KDM4C: variants seen among roughly 807,000 people sequenced by gnomAD.
KDM4C encodes the protein lysine demethylase 4C, also known as lysine-specific demethylase 4C.
KDM4C carries 81 observed loss-of-function variants against 129.3 expected under a neutral mutation model. The observed-to-expected ratio is 0.63, with a 90% CI of 0.52 to 0.75. The LOEUF (loss-of-function observed/expected upper bound fraction) is 0.75. Among genes scored for constraint, KDM4C ranks in the 30% least tolerant of loss-of-function variants. The probability of loss-of-function intolerance (pLI) is 0.00; values close to 1 mark genes in which losing one functional copy is unlikely to be tolerated. For synonymous variants in KDM4C, 573 were observed against 456.1 expected (o/e 1.26, Z -3.26); for missense variants, 1,457 against 1,304.0 (o/e 1.12, Z -1.81).
At chr9:7,109,003 A>C (rs1225709740) in intron 18 of KDM4C, among the ~76,000 whole-genome samples, 2 of 152,250 alleles carry the variant, frequency 1.3e-5, no homozygotes, top group East Asian at 1.9e-4. Flanking sequence ...GAGACTCCAA[A>C]ACATTCACTC....
intron 8 of KDM4C, among the ~76,000 whole-genome samples, chr9:6,940,052 TCCC>T (rs1196660080): frequency 5.9e-5 from 8 of 136,264 alleles, no homozygotes; most frequent in South Asian, 2.7e-4. Context: ...CTTCCCTCCT[TCCC>T]TCCTTCCCTC....
At chr9:7,148,184 G>T (rs543274297) in intron 19 of KDM4C, among the ~76,000 whole-genome samples, 2 of 152,236 alleles carry the variant, frequency 1.3e-5, no homozygotes, top group Admixed American at 1.3e-4. Context: ...ACATGGTGGC[G>T]CCCAAAAGCT....
At chr9:7,008,266 G>A (rs1311556382) in intron 12 of KDM4C, among the ~76,000 whole-genome samples, 1 of 152,088 alleles carries the variant, frequency 6.6e-6, no homozygotes, top group African/African-American at 2.4e-5. Context: ...TTCCTGGCTG[G>A]TACCTGCAGA....
intron 1 of KDM4C, among the ~76,000 whole-genome samples, chr9:6,747,539 CAAA>C (rs35996555): frequency 5.1e-5 from 5 of 98,030 alleles, no homozygotes; most frequent in Non-Finnish European, 4.3e-5. Flanking sequence ...CAGGGCGATT[CAAA>C]AAAAAAAAAA....
chr9:7,076,464 T>TAACAAC (rs763735119), intron 17 of KDM4C: 3 of 1,542,232 alleles, frequency 1.9e-6, no homozygotes, highest in African/African-American at 2.7e-5. Flanking sequence ...ACAGCAACAG[T>TAACAAC]AACAACAACA....
At chr9:7,105,592 G>C (rs1312075732) in intron 18 of KDM4C, 1 of 395,072 alleles carries the variant, frequency 2.5e-6, no homozygotes, top group African/African-American at 2.1e-5. Context: ...ATGAGTGGCA[G>C]GTGCTGGAAT....
intron 1 of KDM4C, among the ~76,000 whole-genome samples, chr9:6,783,081 C>G (rs540777800): frequency 1.3e-5 from 2 of 152,118 alleles, no homozygotes; most frequent in Non-Finnish European, 2.9e-5. Context: ...GTAGGAGATG[C>G]TTTCACTTTT....
At chr9:6,990,331 A>G in intron 11 of KDM4C, 85 bp from the exon 12 acceptor site, 1 of 877,674 alleles carries the variant, frequency 1.1e-6, no homozygotes. Flanking sequence ...ATTAAGTGAT[A>G]AATAATTGTG....
intron 19 of KDM4C, among the ~76,000 whole-genome samples, chr9:7,160,896 A>G (rs921128281): frequency 1.3e-5 from 2 of 152,174 alleles, no homozygotes; most frequent in African/African-American, 4.8e-5. Flanking sequence ...AGTCTGCAGA[A>G]GTTGTCTGCT....
At chr9:6,790,654 C>CAA (rs1186296239) in intron 1 of KDM4C, among the ~76,000 whole-genome samples, 138 of 65,198 alleles carry the variant, frequency 2.1e-3, no homozygotes, top group Middle Eastern at 0.015. Flanking sequence ...TTAAATTCAG[C>CAA]AAAAAAAAAA....
At chr9:7,007,572 A>C (rs539534512) in intron 12 of KDM4C, among the ~76,000 whole-genome samples, 2 of 152,216 alleles carry the variant, frequency 1.3e-5, no homozygotes, top group Non-Finnish European at 2.9e-5. Context: ...TGAAGCCTAC[A>C]TCAGGTGTTT....
At chr9:7,039,000 A>G (rs566254170) in intron 15 of KDM4C, among the ~76,000 whole-genome samples, 11 of 151,820 alleles carry the variant, frequency 7.2e-5, no homozygotes, top group Non-Finnish European at 1.0e-4. Flanking sequence ...GTGTTATTTT[A>G]TGTTAATTAT....
intron 8 of KDM4C, among the ~76,000 whole-genome samples, chr9:6,966,623 G>A (rs1405379352): frequency 6.6e-6 from 1 of 152,152 alleles, no homozygotes; most frequent in East Asian, 1.9e-4. Flanking sequence ...CTAGTTCTTG[G>A]TTTACGTCTA....
rs181051787 is a variant in KDM4C, at chr9:7,054,759, A to G, written c.2424+5559A>G. Among the ~76,000 whole-genome samples the G allele has an allele frequency of 3.3e-3, 504 of 152,356 alleles. 9 individuals carry two copies. Among genetic ancestry groups the G allele is most frequent in the East Asian group, 0.025 (132 of 5,190 alleles). On this transcript the variant is annotated intron_variant, in intron 17 of 21. Transcript: ENST00000381309. ...CTTAAATTAATTAAAGATCTGTGGTATTTTTGTAAATAAGCCAGCAGAGCA... is the reference window on the plus strand; with the variant it reads ...CTTAAATTAATTAAAGATCTGTGGTGTTTTTGTAAATAAGCCAGCAGAGCA...
intron 1 of KDM4C, among the ~76,000 whole-genome samples, chr9:6,760,445 G>GTATATATATATA (rs60954996): frequency 0.014 from 2,057 of 142,446 alleles, 30 homozygotes; most frequent in East Asian, 0.028. Flanking sequence ...CTACTCTTGG[G>GTATATATATATA]TATATATATA....
chr9:6,899,923 T>G (rs1209403011), intron 8 of KDM4C, among the ~76,000 whole-genome samples: 1 of 152,222 alleles, frequency 6.6e-6, no homozygotes. Flanking sequence ...TGCTTTTGAG[T>G]CTATAGTTTG....
intron 15 of KDM4C, 141 bp downstream of exon 15, chr9:7,016,070 C>A (rs1213036589): frequency 4.0e-6 from 2 of 505,486 alleles, no homozygotes; most frequent in Non-Finnish European, 7.2e-6. Flanking sequence ...AGTCTTCCCT[C>A]TCAAAAGCAT....
chr9:6,981,644 T>C (rs887530950), intron 9 of KDM4C, among the ~76,000 whole-genome samples: 1 of 152,218 alleles, frequency 6.6e-6, no homozygotes, highest in African/African-American at 2.4e-5. Context: ...TTGTGAACTT[T>C]ATTCTCCATT....
At chr9:6,801,395 G>C (rs534087881) in intron 2 of KDM4C, among the ~76,000 whole-genome samples, 28 of 151,422 alleles carry the variant, frequency 1.8e-4, no homozygotes, top group African/African-American at 6.5e-4. Flanking sequence ...CACCATGCCC[G>C]GCTAATTTTC....
Sources: allele counts gnomAD v4.1 joint callset (sites outside exome capture counted in the v4.1 genomes callset), GRCh38; gene constraint gnomAD v4.1.1; transcripts MANE v1.5; gene names NCBI Gene and HGNC (gene_info 2026-07-23, HGNC 2026-07-21).